Variants in SRPK2 observed in about 807,000 individuals in gnomAD.
SRPK2 encodes SRSF protein kinase 2.
A neutral mutation model predicts 90.8 loss-of-function variants in SRPK2; 21 were observed. The ratio of observed to expected loss-of-function variants is 0.23; its 90% CI spans 0.16 to 0.33. SRPK2 has a LOEUF of 0.33. SRPK2 is among the 10% of genes least tolerant of loss of function. SRPK2 has a pLI of 1.00. For missense variants in SRPK2, 620 were observed against 869.0 expected, an observed-to-expected ratio of 0.71 and a Z score of 3.60; for synonymous variants, 288 against 311.1, an observed-to-expected ratio of 0.93 and a Z score of 0.78.
intron 2 of SRPK2, among the ~76,000 whole-genome samples, chr7:105,269,836 C>A (rs1461767323): frequency 6.6e-6 from 1 of 152,130 alleles, no homozygotes; most frequent in African/African-American, 2.4e-5. Flanking sequence ...AGCTGTTTTC[C>A]TATCCCTAAT....
upstream of SRPK2, chr7:105,389,297 C>G (rs987768864): frequency 7.8e-7 from 1 of 1,278,822 alleles, no homozygotes; most frequent in Non-Finnish European, 1.0e-6. Flanking sequence ...GCCGGCGCCT[C>G]CGCGGGTCTC....
At chr7:105,276,012 T>G (rs999676312) in intron 2 of SRPK2, among the ~76,000 whole-genome samples, 1 of 152,190 alleles carries the variant, frequency 6.6e-6, no homozygotes, top group Non-Finnish European at 1.5e-5. Flanking sequence ...TTCCTTTCAC[T>G]TGCCAAATTC....
intron 1 of SRPK2, among the ~76,000 whole-genome samples, chr7:105,397,331 CTT>C (rs1301286455): frequency 2.1e-4 from 29 of 134,964 alleles, no homozygotes; most frequent in Admixed American, 2.3e-4. Flanking sequence ...GAGTGACTTT[CTT>C]TTTTTTTTTT....
chr7:105,237,446 G>A (rs1800271592), intron 2 of SRPK2, among the ~76,000 whole-genome samples: 1 of 152,154 alleles, frequency 6.6e-6, no homozygotes, highest in African/African-American at 2.4e-5. Flanking sequence ...AGATATTCTA[G>A]TTCATCAAAC....
intron 2 of SRPK2, among the ~76,000 whole-genome samples, chr7:105,283,340 C>T (rs1807594152): frequency 6.6e-6 from 1 of 152,134 alleles, no homozygotes; most frequent in African/African-American, 2.4e-5. Context: ...AAAACTTGTA[C>T]ACAAATGTTC....
At chr7:105,314,468 C>T (rs931445625) in intron 2 of SRPK2, among the ~76,000 whole-genome samples, 1 of 152,064 alleles carries the variant, frequency 6.6e-6, no homozygotes, top group African/African-American at 2.4e-5. Flanking sequence ...CTCACTGCAA[C>T]CTCTGCCTCC....
intron 2 of SRPK2, among the ~76,000 whole-genome samples, chr7:105,264,804 A>ATAG (rs1340588972): frequency 6.6e-6 from 1 of 152,194 alleles, no homozygotes; most frequent in Non-Finnish European, 1.5e-5. Flanking sequence ...CTCACACTGA[A>ATAG]CAGCAGATGT....
At chr7:105,306,762 T>G (rs1240392754) in intron 2 of SRPK2, 1 of 194,360 alleles carries the variant, frequency 5.1e-6, no homozygotes, top group Non-Finnish European at 1.1e-5. Context: ...AAAAAGAAAA[T>G]GTCATAAATT....
At chr7:105,160,193 T>C (rs1296914113) in intron 7 of SRPK2, 2 of 179,482 alleles carry the variant, frequency 1.1e-5, no homozygotes, top group East Asian at 1.4e-4. Context: ...ATGAACTAAG[T>C]GGATGTTTTA....
At chr7:105,301,422 C>T (rs985721034) in intron 2 of SRPK2, 51 of 684,040 alleles carry the variant, frequency 7.5e-5, no homozygotes, top group South Asian at 6.4e-4. Flanking sequence ...ACAACCAAGG[C>T]GCCAAAGGGG....
intron 2 of SRPK2, among the ~76,000 whole-genome samples, chr7:105,223,276 G>A (rs1254521063): frequency 6.6e-6 from 1 of 152,312 alleles, no homozygotes; most frequent in African/African-American, 2.4e-5. Flanking sequence ...TTCCTAATGT[G>A]AGCAAACCTG....
At chr7:105,132,659 A>G (rs901549207) in intron 13 of SRPK2, 132 bp downstream of exon 13, 2 of 689,130 alleles carry the variant, frequency 2.9e-6, no homozygotes, top group African/African-American at 1.8e-5. Context: ...CCTTCCCCTC[A>G]CCCAGCCCAC....
At chr7:105,382,430 T>C (rs1301449164) in intron 2 of SRPK2, among the ~76,000 whole-genome samples, 1 of 151,224 alleles carries the variant, frequency 6.6e-6, no homozygotes, top group South Asian at 2.1e-4. Context: ...CACATGCCTG[T>C]AATCCCAGCT....
chr7:105,161,735 T>TTA (rs1232103140), intron 6 of SRPK2, among the ~76,000 whole-genome samples: 2 of 152,186 alleles, frequency 1.3e-5, no homozygotes, highest in Non-Finnish European at 2.9e-5. Flanking sequence ...ATAAAACACA[T>TTA]TATAAAATAA....
rs527706330 is a variant in SRPK2, at chr7:105,329,274, A to C, written c.71+59374T>G. On this transcript the variant is annotated intron_variant, in intron 2 of 15. Transcript: ENST00000393651. ...ACAAATAGATCTGAAAAATGAAAGA[A>C]GATAACAAAATATCATGTACTAATG... Among the ~76,000 whole-genome samples, 4 of 152,334 alleles carry C rather than the reference A, an allele frequency of 2.6e-5. No homozygotes were observed. In the South Asian group the frequency reaches 8.3e-4, roughly 32 times the overall value.
chr7:105,268,747 T>C, intron 2 of SRPK2: 1 of 1,533,810 alleles, frequency 6.5e-7, no homozygotes, highest in African/African-American at 1.4e-5. Flanking sequence ...AAATATGTCC[T>C]GGTTTGTTTC....
At chr7:105,236,866 A>G (rs1160038583) in intron 2 of SRPK2, among the ~76,000 whole-genome samples, 1 of 152,152 alleles carries the variant, frequency 6.6e-6, no homozygotes, top group Non-Finnish European at 1.5e-5. Flanking sequence ...ACAATGAACC[A>G]CCTCCACAAA....
chr7:105,191,287 C>T (rs887365497), intron 3 of SRPK2, among the ~76,000 whole-genome samples: 2 of 152,090 alleles, frequency 1.3e-5, no homozygotes, highest in African/African-American at 2.4e-5. Flanking sequence ...TTTTAAAATC[C>T]GCCAGGCATG....
intron 2 of SRPK2, among the ~76,000 whole-genome samples, chr7:105,310,988 G>C (rs553346436): frequency 6.5e-4 from 99 of 152,192 alleles, no homozygotes; most frequent in African/African-American, 2.3e-3. Flanking sequence ...CCACAATCTA[G>C]GAGGGGCTCG....
Sources: gnomAD v4.1 joint callset for allele counts (sites outside exome capture counted in the v4.1 genomes callset) on GRCh38, gnomAD v4.1.1 for gene constraint, MANE v1.5 for transcripts, NCBI Gene and HGNC (gene_info 2026-07-23, HGNC 2026-07-21) for gene names.